The following ATP9B variants were observed in gnomAD, a reference collection of about 807,000 sequenced individuals.
ATP9B encodes probable phospholipid-transporting ATPase IIB.
A neutral mutation model predicts 146.1 loss-of-function variants in ATP9B; 110 were observed. That is an observed-to-expected ratio of 0.75 (90% CI 0.65 to 0.88). The LOEUF (loss-of-function observed/expected upper bound fraction) is 0.88, where lower values mean the gene tolerates loss of function less well. Among genes scored for constraint, ATP9B ranks in the 40% least tolerant of loss-of-function variants. ATP9B has a pLI of 0.00. For synonymous variants in ATP9B, 604 were observed against 569.7 expected, an observed-to-expected ratio of 1.06 and a Z score of -0.86; for missense variants, 1,499 against 1,496.4, an observed-to-expected ratio of 1.00 and a Z score of -0.03.
chr18:79,350,095 A>G (rs926376213), intron 25 of ATP9B, among the ~76,000 whole-genome samples: 2 of 151,976 alleles, frequency 1.3e-5, no homozygotes, highest in Non-Finnish European at 2.9e-5. Context: ...TAGGCCCCCC[A>G]CCCCAAGCCT....
intron 13 of ATP9B, among the ~76,000 whole-genome samples, chr18:79,292,298 G>A (rs1004926417): frequency 2.6e-5 from 4 of 152,210 alleles, no homozygotes; most frequent in African/African-American, 9.7e-5. Flanking sequence ...GGTCATGTCC[G>A]TAGGAAATCC....
rs115607528 is a variant in ATP9B, at chr18:79,095,388, G to A, written c.120-1088G>A. Among the ~76,000 whole-genome samples the A allele has an allele frequency of 3.9e-3, 599 of 152,250 alleles. 3 individuals carry two copies. The highest frequency in any genetic ancestry group is 0.024 in the South Asian group (118 of 4,820). ...GTATAATTTTCATCCATGGTCTGCC[G>A]TTGCTAGGGCCCCCAGTCCTGTTTT... On this transcript the variant is annotated intron_variant, in intron 1 of 29. Transcript: ENST00000426216.
chr18:79,118,664 T>G (rs1267718585), intron 4 of ATP9B, among the ~76,000 whole-genome samples: 1 of 152,046 alleles, frequency 6.6e-6, no homozygotes, highest in Non-Finnish European at 1.5e-5. Flanking sequence ...CCTCCCAAAG[T>G]GCTGGGATTA....
intron 1 of ATP9B, among the ~76,000 whole-genome samples, chr18:79,070,096 G>A (rs1183254833): frequency 6.6e-6 from 1 of 152,204 alleles, no homozygotes; most frequent in Admixed American, 6.5e-5. Flanking sequence ...CGGTTAACTT[G>A]TTTAGTGGGG....
At chr18:79,081,126 G>A (rs567559864) in intron 1 of ATP9B, among the ~76,000 whole-genome samples, 2 of 152,270 alleles carry the variant, frequency 1.3e-5, no homozygotes, top group East Asian at 3.9e-4. Flanking sequence ...GGATGATGCT[G>A]GCCTCATAAA....
chr18:79,373,836 G>A, intron 27 of ATP9B, 62 bp from the exon 28 acceptor site: 1 of 1,577,734 alleles, frequency 6.3e-7, no homozygotes, highest in Non-Finnish European at 8.7e-7. Flanking sequence ...GTTCAAGGCT[G>A]TTTCCTCTAG....
chr18:79,150,408 T>C (rs188642534), intron 6 of ATP9B, among the ~76,000 whole-genome samples: 1 of 152,276 alleles, frequency 6.6e-6, no homozygotes, highest in African/African-American at 2.4e-5. Context: ...CAAAAAAACC[T>C]GTGCAGGAAT....
At chr18:79,135,395 T>C (rs563084435) in intron 5 of ATP9B, among the ~76,000 whole-genome samples, 1 of 152,168 alleles carries the variant, frequency 6.6e-6, no homozygotes, top group Non-Finnish European at 1.5e-5. Flanking sequence ...AGCTTTTCTA[T>C]CTATGGATTC....
chr18:79,143,403 T>G (rs546818712), intron 5 of ATP9B, among the ~76,000 whole-genome samples: 2 of 152,348 alleles, frequency 1.3e-5, no homozygotes, highest in Non-Finnish European at 2.9e-5. Flanking sequence ...TTTGGTCAGT[T>G]ATGTGCTAAT....
chr18:79,217,758 C>T (rs940442734), intron 11 of ATP9B, among the ~76,000 whole-genome samples: 12 of 152,228 alleles, frequency 7.9e-5, no homozygotes, highest in African/African-American at 1.2e-4. Context: ...TGTTTTCTGA[C>T]GGTGACATCA....
At chr18:79,271,752 C>T (rs1314218030) in intron 12 of ATP9B, among the ~76,000 whole-genome samples, 1 of 151,986 alleles carries the variant, frequency 6.6e-6, no homozygotes, top group Non-Finnish European at 1.5e-5. Context: ...GGGTATATAC[C>T]CAGTAATGGG....
Position 79,071,398 on chromosome 18 carries a change from C to CTTTTTTTTTTTTT in ATP9B, c.119+1869_119+1870insTTTTTTTTTTTTT, listed in dbSNP as rs747150962. Reference sequence around the variant, plus strand: ...TATTTCCCCTTTTTCTATTGTTCTTCCTTTTTTTTTTTTTTGAGACAGGGT... The same window carrying CTTTTTTTTTTTTT: ...TATTTCCCCTTTTTCTATTGTTCTTCTTTTTTTTTTTTTCTTTTTTTTTTTTTTGAGACAGGGT... On this transcript the variant is annotated intron_variant, in intron 1 of 29. Coordinates refer to ENST00000426216, the MANE Select transcript of ATP9B (RefSeq NM_198531.5). Among the ~76,000 whole-genome samples the CTTTTTTTTTTTTT allele has an allele frequency of 3.0e-3, 68 of 22,404 alleles. 7 individuals carry two copies. Among genetic ancestry groups the CTTTTTTTTTTTTT allele is most frequent in the South Asian group, 9.2e-3 (3 of 326 alleles). 14.7% of individuals were successfully genotyped at this position (22,404 alleles called of 152,430 possible).
rs116099905 is a variant in ATP9B, at chr18:79,211,267, T to C, written c.1031-2695T>C. ...GCTTTGCAACATGGAAGTTGTTTGC[T>C]TAAAATACAACTGTAGTCAATTAGA... On this transcript the variant is annotated intron_variant, in intron 10 of 29. Coordinates refer to ENST00000426216, the MANE Select transcript of ATP9B (RefSeq NM_198531.5). Among the ~76,000 whole-genome samples the C allele has an allele frequency of 2.8e-3, 430 of 152,338 alleles. 5 individuals carry two copies. Among genetic ancestry groups the C allele is most frequent in the African/African-American group, 9.8e-3 (409 of 41,576 alleles).
rs1568297060 is a variant in ATP9B, at chr18:79,157,406, A to AAAAAAAAAAAC, written c.778+2861_778+2862insCAAAAAAAAAA. Among the ~76,000 whole-genome samples the AAAAAAAAAAAC allele has an allele frequency of 1.5e-4, 18 of 120,400 alleles. No homozygotes were observed. In the East Asian group the frequency reaches 3.9e-3, roughly 26 times the overall value. The allele number at this position is 120,400 out of a possible 152,430, so 79.0% of individuals were successfully genotyped here. ...AGTGAAACTCCATCTCAAAAAAAAA[A>AAAAAAAAAAAC]AAAAAAAAAAAAAAAAAACATGTAT... On this transcript the variant is annotated intron_variant, in intron 7 of 29. Coordinates refer to ENST00000426216, the MANE Select transcript of ATP9B (RefSeq NM_198531.5).
intron 7 of ATP9B, among the ~76,000 whole-genome samples, chr18:79,167,783 GC>G (rs1420547215): frequency 4.6e-5 from 7 of 152,198 alleles, no homozygotes; most frequent in Non-Finnish European, 7.3e-5. Context: ...TGGCAGCCCG[GC>G]CCCGAGGCTT....
chr18:79,101,520 A>G (rs1035965029), intron 2 of ATP9B, among the ~76,000 whole-genome samples: 1 of 152,214 alleles, frequency 6.6e-6, no homozygotes, highest in Non-Finnish European at 1.5e-5. Flanking sequence ...GTGTGTGGAC[A>G]GAAGTTTTCA....
At chr18:79,290,205 T>C (rs1459339102) in intron 13 of ATP9B, among the ~76,000 whole-genome samples, 11 of 152,302 alleles carry the variant, frequency 7.2e-5, no homozygotes, top group East Asian at 3.9e-4. Flanking sequence ...TTTGTCTGTG[T>C]CCTGCCCCCA....
At chr18:79,259,716 A>G (rs1412011494) in intron 12 of ATP9B, among the ~76,000 whole-genome samples, 1 of 152,210 alleles carries the variant, frequency 6.6e-6, no homozygotes, top group African/African-American at 2.4e-5. Flanking sequence ...TGGAAGACCA[A>G]AAGTGTCAGG....
At chr18:79,227,137 C>CT (rs2095743480) in intron 11 of ATP9B, among the ~76,000 whole-genome samples, 1 of 152,156 alleles carries the variant, frequency 6.6e-6, no homozygotes, top group Non-Finnish European at 1.5e-5. Flanking sequence ...AAGCTTTAAG[C>CT]TGGCCTCTCT....
Sources: gnomAD v4.1 joint callset for allele counts (sites outside exome capture counted in the v4.1 genomes callset) on GRCh38, gnomAD v4.1.1 for gene constraint, MANE v1.5 for transcripts, NCBI Gene and HGNC (gene_info 2026-07-23, HGNC 2026-07-21) for gene names.